The following TTN variants were observed in gnomAD, a reference collection of about 807,000 sequenced individuals.
The protein encoded by TTN is connectin.
TTN carries 1,525 observed loss-of-function variants against 3,223.0 expected under a neutral mutation model. The ratio of observed to expected loss-of-function variants is 0.47; its 90% CI spans 0.45 to 0.49. The LOEUF (loss-of-function observed/expected upper bound fraction) is 0.49. TTN is among the 20% of genes least tolerant of loss of function. The probability of loss-of-function intolerance (pLI) is 0.00; values close to 1 mark genes in which losing one functional copy is unlikely to be tolerated. For missense variants in TTN, 40,786 were observed against 43,424.0 expected (o/e 0.94, Z 5.40); for synonymous variants, 14,094 against 15,161.0 (o/e 0.93, Z 5.17).
intron 33 of TTN, chr2:178,772,807 C>T: frequency 2.6e-6 from 1 of 380,976 alleles, no homozygotes; most frequent in Non-Finnish European, 4.8e-6. Flanking sequence ...AAGACAAGTG[C>T]ATAATAAACA....
intron 361 of TTN, 35 bp from the exon 362 acceptor site, chr2:178,527,783 T>C (rs376997634): frequency 6.6e-7 from 1 of 1,525,536 alleles, no homozygotes; most frequent in Non-Finnish European, 8.8e-7. Flanking sequence ...TGAACATCAA[T>C]GACATCTGGT....
At position 178,587,225 on chromosome 2, in the gene TTN, T is replaced by C. The variant is rs754342548; in HGVS notation, c.63986A>G (p.Asn21329Ser). 28 of 1,613,106 alleles carry C rather than the reference T, an allele frequency of 1.7e-5. No individual in the cohort carries two copies. The highest frequency in any genetic ancestry group is 2.7e-5 in the African/African-American group (2 of 74,844). Residue 21329 changes from asparagine to serine, a missense_variant, in exon 307 of 363, where the codon AAT (asparagine) becomes AGT (serine). Physicochemically the swap from Asn to Ser is conservative, Grantham distance 46. Transcript: ENST00000589042. ...GTAATACTCATTCCCAGGGACAAGATTGGTTACATGGAAGCTTGTTTTCTT... is the reference window on the plus strand; with the variant it reads ...GTAATACTCATTCCCAGGGACAAGACTGGTTACATGGAAGCTTGTTTTCTT... ...EVKKTSFHVT[N>S]LVPGNEYYFR...
Position 178,722,240 on chromosome 2 carries a change from G to C in TTN, c.22528+19C>G. 2.6e-6 allele frequency: 4 copies of C among 1,542,824 alleles called. No individual in the cohort carries two copies. The highest frequency in any genetic ancestry group is 3.5e-6 in the Non-Finnish European group (4 of 1,148,222). On this transcript the variant is annotated intron_variant, in intron 77 of 362. Coordinates refer to ENST00000589042, the MANE Select transcript of TTN (RefSeq NM_001267550.2). Reference sequence around the variant, plus strand: ...TGAAGCCACAGTTTGCAAAGAAAAAGAGTGACGTGTGAACAAACCTCTTGC... The same window carrying C: ...TGAAGCCACAGTTTGCAAAGAAAAACAGTGACGTGTGAACAAACCTCTTGC...
In TTN at chr2:178,667,629, GT is replaced by G; in HGVS notation, c.35629+8del. 1.3e-6 allele frequency: 2 copies of G among 1,593,392 alleles called. No individual in the cohort carries two copies. Among genetic ancestry groups the G allele is most frequent in the East Asian group, 4.5e-5 (2 of 44,758 alleles). On this transcript the variant is annotated splice_region_variant and intron_variant, in intron 160 of 362. Coordinates refer to ENST00000589042, the MANE Select transcript of TTN (RefSeq NM_001267550.2). ...TTTTTCTTCAGAGTGGATCATTGGT[GT>G]TATATACCTTTTGCTAGTTTGGGTT... is the stretch of plus-strand genomic sequence containing the variant.
At position 178,722,259 on chromosome 2, in the gene TTN, C is replaced by G; in HGVS notation, c.22528G>C (p.Glu7510Gln). ...ASSSARLTAR[E>Q]PKKSPFFDIK... Reference sequence around the variant, plus strand: ...GAAAAAGAGTGACGTGTGAACAAACCTCTTGCTGTGAGTCTAGCACTAGAA... The same window carrying G: ...GAAAAAGAGTGACGTGTGAACAAACGTCTTGCTGTGAGTCTAGCACTAGAA... The change falls in exon 77 of 363, where the codon GAA becomes CAA. Residue 7510 changes from glutamate (E) to glutamine (Q), a missense_variant and splice_region_variant. Transcript: ENST00000589042. 1 of 1,572,078 alleles carries G rather than the reference C, an allele frequency of 6.4e-7. No homozygotes were observed.
At chr2:178,726,079 C>A (rs974778278) in intron 69 of TTN, 33 bp from the exon 70 acceptor site, 3 of 1,491,842 alleles carry the variant, frequency 2.0e-6, no homozygotes, top group South Asian at 3.0e-5. Context: ...ATGAATTGGG[C>A]TACTGAATTT....
At chr2:178,753,411 C>T in intron 46 of TTN, 1 of 420,062 alleles carries the variant, frequency 2.4e-6, no homozygotes, top group Admixed American at 4.0e-5. Context: ...ATGAAATTTC[C>T]ACTTTTAGTT....
rs398124449 is a variant in TTN at position 178,652,161 on chromosome 2, A to G, written c.39230T>C (p.Val13077Ala). Residue 13077 changes from valine to alanine, a missense_variant, in exon 204 of 363, where the codon GTA becomes GCA. Val to Ala is a moderately conservative substitution (Grantham distance 64). Coordinates refer to ENST00000589042, the MANE Select transcript of TTN (RefSeq NM_001267550.2). ...PPTKVPEVPK[V>A]AVPEKKVPEA... ...AGGCACCTTCTTTTCTGGGACAGCT[A>G]CCTTTGGCACCTCTGGGACTTTAAA... 3.0e-5 allele frequency: 49 copies of G among 1,611,972 alleles called. No homozygotes were observed. The highest frequency in any genetic ancestry group is 6.7e-5 in the East Asian group (3 of 44,864).
rs1286527505 is a variant in TTN at position 178,567,137 on chromosome 2, AGTCGACT to A, written c.78988_78994del (p.Ser26330LeufsTer11). The A allele has an allele frequency of 6.2e-7, 1 of 1,613,528 alleles. No homozygotes were observed. The highest frequency in any genetic ancestry group is 8.5e-7 in the Non-Finnish European group (1 of 1,179,592). On this transcript the variant is annotated frameshift_variant, in exon 326 of 363. Coordinates refer to ENST00000589042, the MANE Select transcript of TTN (RefSeq NM_001267550.2). LOFTEE classifies it high-confidence loss of function. ...TTCTGAAGCAACAACAGTCCAGGCA[AGTCGACT>A]GGTTTCTCGCTTTTCAACAACATAG...
At chr2:178,625,210 A>G (rs1576606145) in intron 241 of TTN, 63 bp downstream of exon 241, 2 of 1,543,376 alleles carry the variant, frequency 1.3e-6, no homozygotes, top group East Asian at 4.7e-5. Flanking sequence ...AAGATAATTG[A>G]GAGTTGGCAT....
intron 61 of TTN, 23 bp downstream of exon 61, chr2:178,730,482 A>G: frequency 6.3e-7 from 1 of 1,580,344 alleles, no homozygotes; most frequent in African/African-American, 1.4e-5. Flanking sequence ...AGTTCTTGAT[A>G]AGTGGAAATA....
rs201744218 is a variant in TTN at position 178,735,658 on chromosome 2, G to C, written c.14788C>G (p.Pro4930Ala). The change falls in exon 50 of 363, where the codon CCA becomes GCA. Residue 4930 changes from proline (P) to alanine (A), a missense_variant. Coordinates refer to ENST00000589042, the MANE Select transcript of TTN (RefSeq NM_001267550.2). ...AAACAGATCTTATAATCTTTCCCTG[G>C]GGGGAGTTTTTGCCCATCTTTGCTC... ...TWSKDGQKLP[P>A]GKDYKICFED... The C allele has an allele frequency of 4.0e-5, 64 of 1,613,564 alleles. No individual in the cohort carries two copies. In the Admixed American group the frequency reaches 8.2e-4, roughly 21 times the overall value.
At chr2:178,527,911 C>T (rs916532051) in intron 361 of TTN, 163 bp from the exon 362 acceptor site, 15 of 619,916 alleles carry the variant, frequency 2.4e-5, no homozygotes, top group Non-Finnish European at 4.0e-5. Flanking sequence ...ATACATTTGT[C>T]AAGAGCTAGC....
rs727504191 is a variant in TTN at position 178,590,169 on chromosome 2, C to T, written c.61556G>A (p.Arg20519Gln). The change falls in exon 304 of 363, where the codon CGA becomes CAA. Residue 20519 changes from arginine to glutamine, a missense_variant. Coordinates refer to ENST00000589042, the MANE Select transcript of TTN (RefSeq NM_001267550.2). ...TWTKEGKVLV[R>Q]EKRVDLIQDL... is the part of the protein sequence containing the mutation. ...CTGAATAAGGTCCACCCTCTTTTCT[C>T]GGACCAATACTTTGCCTTCCTTAGT... 3.0e-5 allele frequency: 49 copies of T among 1,612,212 alleles called. No homozygotes were observed. The Admixed American group carries it at 6.0e-4, about 20-fold the overall frequency.
At chr2:178,770,698 G>C (rs1328314923) in intron 34 of TTN, 23 bp from the exon 35 acceptor site, 1 of 1,605,650 alleles carries the variant, frequency 6.2e-7, no homozygotes, top group South Asian at 1.1e-5. Context: ...TTATGATTGG[G>C]TTAGAAAATA....
At position 178,562,967 on chromosome 2, in the gene TTN, A is replaced by G; in HGVS notation, c.83165T>C (p.Ile27722Thr). 4 of 1,613,714 alleles carry G rather than the reference A, an allele frequency of 2.5e-6. No homozygotes were observed. The highest frequency in any genetic ancestry group is 1.1e-5 in the South Asian group (1 of 91,080). Residue 27722 changes from isoleucine to threonine, a missense_variant, in exon 326 of 363, where the codon ATA (isoleucine) becomes ACA (threonine). Transcript: ENST00000589042. ...AEGILTDRAQ[I>T]EVTSSFTMLV... ...CATTGTAAATGAGCTGGTCACCTCT[A>G]TCTGAGCCCTGTCAGTGAGAATGCC...
intron 254 of TTN, 37 bp from the exon 255 acceptor site, chr2:178,617,271 C>G (rs1186502549): frequency 6.5e-6 from 10 of 1,538,354 alleles, no homozygotes; most frequent in Non-Finnish European, 8.7e-6. Flanking sequence ...AAAACACATA[C>G]AGTTATGTCC....
In TTN at chr2:178,548,765, G is replaced by A. The variant is rs72648248; in HGVS notation, c.92861C>T (p.Thr30954Ile). The A allele has an allele frequency of 2.8e-5, 45 of 1,613,352 alleles. No homozygotes were observed. Among genetic ancestry groups the A allele is most frequent in the East Asian group, 2.0e-4 (9 of 44,876 alleles). Residue 30954 changes from threonine (T) to isoleucine (I), a missense_variant, in exon 339 of 363, where the codon ACT becomes ATT. By Grantham distance (89) the Thr-to-Ile change is moderately conservative. Transcript: ENST00000589042. The surrounding 1 kb of genome is among the most constrained non-coding windows in gnomAD (Gnocchi z 4.3). The part of the protein sequence containing the change: ...RLFIAYQGRP[T>I]PTAVWSKPDS... ...TGGTTTGCTCCACACAGCTGTAGGA[G>A]TAGGTCTACCTTGGTAGGCAATGAA...
In TTN at chr2:178,591,118, G is replaced by A. The variant is rs757129250; in HGVS notation, c.60607C>T (p.Pro20203Ser). 10 of 1,612,970 alleles carry A rather than the reference G, an allele frequency of 6.2e-6. No homozygotes were observed. The highest frequency in any genetic ancestry group is 7.6e-6 in the Non-Finnish European group (9 of 1,179,472). The stretch of plus-strand genomic sequence containing the variant: ...TTCTCAACAATATAATTTATCACAG[G>A]GCTTCCTCCATCATCCTTAGGTGGC... ...WQPPKDDGGS[P>S]VINYIVEKQD... Residue 20203 changes from proline to serine, a missense_variant, in exon 304 of 363, where the codon CCT becomes TCT. Physicochemically the swap from Pro to Ser is moderately conservative, Grantham distance 74. Coordinates refer to ENST00000589042, the MANE Select transcript of TTN (RefSeq NM_001267550.2).
Sources: gnomAD v4.1 joint callset for allele counts on GRCh38, gnomAD v4.1.1 for gene constraint, Gnocchi (gnomAD v3.1) non-coding constraint, MANE v1.5 for transcripts, NCBI Gene and HGNC (gene_info 2026-07-23, HGNC 2026-07-21) for gene names.